KIF2A: variants seen among roughly 807,000 people sequenced by gnomAD.
The protein encoded by KIF2A is kinesin family member 2A.
A neutral mutation model predicts 100.2 loss-of-function variants in KIF2A; 22 were observed. That is an observed-to-expected ratio of 0.22 (90% CI 0.16 to 0.31). The LOEUF (loss-of-function observed/expected upper bound fraction) is 0.31, where lower values mean the gene tolerates loss of function less well. Ranked by LOEUF, KIF2A falls within the 10% of genes least tolerant of loss-of-function variation. The pLI, the probability that KIF2A is intolerant of heterozygous loss-of-function variation, is 1.00. For synonymous variants in KIF2A, 268 were observed against 285.9 expected (o/e 0.94, Z 0.63); for missense variants, 495 against 898.7 (o/e 0.55, Z 5.74).
At chr5:62,309,100 C>T (rs1745445685) in intron 1 of KIF2A, among the ~76,000 whole-genome samples, 1 of 152,084 alleles carries the variant, frequency 6.6e-6, no homozygotes, top group African/African-American at 2.4e-5. Context: ...GAAATCGTAT[C>T]AGAAAAAGTA....
At chr5:62,320,097 A>C (rs1746026449) in intron 1 of KIF2A, among the ~76,000 whole-genome samples, 1 of 152,148 alleles carries the variant, frequency 6.6e-6, no homozygotes, top group Non-Finnish European at 1.5e-5. Context: ...TTTTTCCTAC[A>C]GATGTTATAT....
intron 20 of KIF2A, among the ~76,000 whole-genome samples, chr5:62,383,762 T>C (rs1283755436): frequency 6.6e-6 from 1 of 152,230 alleles, no homozygotes; most frequent in African/African-American, 2.4e-5. Context: ...ATCCATTTTA[T>C]TCAGAAGACA....
intron 19 of KIF2A, 82 bp downstream of exon 19, chr5:62,377,844 T>A (rs773858807): frequency 1.3e-6 from 1 of 763,282 alleles, no homozygotes; most frequent in Non-Finnish European, 2.1e-6. Context: ...TATCACACTA[T>A]TCCTTAAAAA....
At chr5:62,371,717 A>G (rs1741337780) in intron 16 of KIF2A, among the ~76,000 whole-genome samples, 1 of 152,240 alleles carries the variant, frequency 6.6e-6, no homozygotes, top group Non-Finnish European at 1.5e-5. Flanking sequence ...GAGGTACTTA[A>G]TAAATATTTT....
intron 9 of KIF2A, among the ~76,000 whole-genome samples, chr5:62,358,698 T>G (rs1748236833): frequency 6.6e-6 from 1 of 152,228 alleles, no homozygotes; most frequent in Non-Finnish European, 1.5e-5. Flanking sequence ...TGAGGCATGG[T>G]CTTGCTCTGT....
chr5:62,313,116 AAT>A (rs1432601627), intron 1 of KIF2A, among the ~76,000 whole-genome samples: 2 of 152,192 alleles, frequency 1.3e-5, no homozygotes, highest in Admixed American at 1.3e-4. Context: ...ATAAAGCAAA[AAT>A]AGTTCCTGCC....
Position 62,306,256 on chromosome 5 carries a change from C to A in KIF2A, c.-217C>A. Reference sequence around the variant, plus strand: ...CCCGGCCCTAGCTTCACCCCGACTACCCGGCGTGCGCGTCCTCCTGCCGGC... The same window carrying A: ...CCCGGCCCTAGCTTCACCCCGACTAACCGGCGTGCGCGTCCTCCTGCCGGC... On this transcript the variant is annotated 5_prime_UTR_variant, in exon 1 of 21. Coordinates refer to ENST00000407818, the MANE Select transcript of KIF2A (RefSeq NM_001098511.3). 1.9e-6 allele frequency: 1 copy of A among 530,370 alleles called. No homozygotes were observed. Among genetic ancestry groups the A allele is most frequent in the Non-Finnish European group, 3.3e-6 (1 of 301,914 alleles). The allele number at this position is 530,370 out of a possible 1,614,324, so 32.9% of individuals were successfully genotyped here. A position where few individuals can be genotyped will look rare whatever the true frequency, so the allele number is the denominator to read the frequency against.
chr5:62,327,255 G>T (rs929602087), intron 1 of KIF2A, among the ~76,000 whole-genome samples: 1 of 152,092 alleles, frequency 6.6e-6, no homozygotes, highest in South Asian at 2.1e-4. Flanking sequence ...AATACTGTCT[G>T]TATTGGTGTT....
Position 62,352,852 on chromosome 5 carries a change from ACTT to A in KIF2A, c.457+149_457+151del, listed in dbSNP as rs569432549. On this transcript the variant is annotated intron_variant, in intron 5 of 20. Coordinates refer to ENST00000407818, the MANE Select transcript of KIF2A (RefSeq NM_001098511.3). ...TCATTTTACCACTGTGGAAAATTTA[ACTT>A]CTTCTTATTAGTCTGTTAATTGGGT... 595 of 653,048 alleles carry A rather than the reference ACTT, an allele frequency of 9.1e-4. 3 individuals carry two copies. The African/African-American group carries it at 9.3e-3, about 10-fold the overall frequency. 40.5% of individuals were successfully genotyped at this position (653,048 alleles called of 1,614,324 possible).
chr5:62,360,700 T>A (rs1343996303), intron 9 of KIF2A, among the ~76,000 whole-genome samples: 1 of 151,822 alleles, frequency 6.6e-6, no homozygotes, highest in African/African-American at 2.4e-5. Flanking sequence ...AAAAAAAAAA[T>A]GTAATTCAAA....
intron 1 of KIF2A, among the ~76,000 whole-genome samples, chr5:62,341,406 T>G (rs1747283077): frequency 6.6e-6 from 1 of 151,796 alleles, no homozygotes; most frequent in African/African-American, 2.4e-5. Context: ...GCTCAAGCAA[T>G]CCTCCTACCT....
chr5:62,350,875 G>A (rs545879271), intron 4 of KIF2A, among the ~76,000 whole-genome samples: 3 of 150,374 alleles, frequency 2.0e-5, no homozygotes, highest in African/African-American at 7.3e-5. Flanking sequence ...TCGCACGACT[G>A]CACTCCAGTC....
chr5:62,383,371 T>C (rs1220255384), intron 20 of KIF2A, among the ~76,000 whole-genome samples: 1 of 150,092 alleles, frequency 6.7e-6, no homozygotes, highest in African/African-American at 2.5e-5. Context: ...GCCTCTTGAG[T>C]AGCTGGGACT....
intron 16 of KIF2A, among the ~76,000 whole-genome samples, chr5:62,372,204 G>GA (rs1291841452): frequency 6.6e-6 from 1 of 152,122 alleles, no homozygotes; most frequent in Non-Finnish European, 1.5e-5. Flanking sequence ...GAGAAAAGAG[G>GA]AAAATACACC....
chr5:62,306,243 T>G lies in KIF2A; in HGVS notation c.-230T>G, dbSNP rs950087839. On this transcript the variant is annotated 5_prime_UTR_variant, in exon 1 of 21. Coordinates refer to ENST00000407818, the MANE Select transcript of KIF2A (RefSeq NM_001098511.3). ...GCCGTCTCACGGCCCCGGCCCTAGC[T>G]TCACCCCGACTACCCGGCGTGCGCG... The G allele has an allele frequency of 3.7e-4, 191 of 515,984 alleles. No individual in the cohort carries two copies. The highest frequency in any genetic ancestry group is 7.5e-4 in the Admixed American group (19 of 25,350). The allele number at this position is 515,984 out of a possible 1,614,324, so 32.0% of individuals were successfully genotyped here. A position where few individuals can be genotyped will look rare whatever the true frequency, so the allele number is the denominator to read the frequency against.
At chr5:62,367,480 T>C (rs1201191343) in intron 16 of KIF2A, among the ~76,000 whole-genome samples, 1 of 152,168 alleles carries the variant, frequency 6.6e-6, no homozygotes, top group Non-Finnish European at 1.5e-5. Context: ...TTGGCTAGGC[T>C]GGTCTCGAAC....
chr5:62,353,025 C>G lies in KIF2A; in HGVS notation c.458-250C>G, dbSNP rs200722503. 141 of 412,486 alleles carry G rather than the reference C, an allele frequency of 3.4e-4. 1 individual carries two copies. The East Asian group carries it at 5.9e-3, about 17-fold the overall frequency. 25.6% of individuals were successfully genotyped at this position (412,486 alleles called of 1,614,324 possible). A position where few individuals can be genotyped will look rare whatever the true frequency, so the allele number is the denominator to read the frequency against. ...TCCTTGATTCTTTGAATTAAAAAGT[C>G]TGTGTTTCTAAACCAAGAGATGACA... is the stretch of plus-strand genomic sequence containing the variant. On this transcript the variant is annotated intron_variant, in intron 5 of 20. Coordinates refer to ENST00000407818, the MANE Select transcript of KIF2A (RefSeq NM_001098511.3).
In KIF2A at chr5:62,381,138, A is replaced by T. The variant is rs751694383; in HGVS notation, c.2034A>T (p.Glu678Asp). The T allele has an allele frequency of 5.0e-6, 8 of 1,611,342 alleles. No individual in the cohort carries two copies. In the African/African-American group the frequency reaches 1.1e-4, roughly 22 times the overall value. The change falls in exon 20 of 21, where the codon GAA (glutamate) becomes GAT (aspartate). Residue 678 changes from glutamate (E) to aspartate (D), a missense_variant. Transcript: ENST00000407818. ...TGTAGGAATCTATTCGGTGGTTAGA[A>T]GATGAAAAGGCCCTCTTAGAGATGA... ...AVFQESIRWLEDEKALLEMTE... is the reference protein window; with the variant it reads ...AVFQESIRWLDDEKALLEMTE...
chr5:62,309,401 G>C (rs1745458705), intron 1 of KIF2A, among the ~76,000 whole-genome samples: 1 of 152,218 alleles, frequency 6.6e-6, no homozygotes, highest in Admixed American at 6.5e-5. Context: ...GTGGAAGGCA[G>C]GAGATTAGTA....
Sources: gnomAD v4.1 joint callset for allele counts (sites outside exome capture counted in the v4.1 genomes callset) on GRCh38, gnomAD v4.1.1 for gene constraint, MANE v1.5 for transcripts, NCBI Gene and HGNC (gene_info 2026-07-23, HGNC 2026-07-21) for gene names.